MYT1L: variants seen among roughly 807,000 people sequenced by gnomAD.
MYT1L encodes the protein myelin transcription factor 1 like, also known as myelin transcription factor 1-like protein.
In MYT1L, 12 loss-of-function variants were observed where a neutral mutation model predicts 126.7. The ratio of observed to expected loss-of-function variants is 0.09; its 90% CI spans 0.06 to 0.15. The LOEUF is 0.15. Among genes scored for constraint, MYT1L ranks in the 10% least tolerant of loss-of-function variants. The probability of loss-of-function intolerance (pLI) is 1.00; values close to 1 mark genes in which losing one functional copy is unlikely to be tolerated. For missense variants in MYT1L, 979 were observed against 1,585.2 expected (o/e 0.62, Z 6.49); for synonymous variants, 541 against 604.2 (o/e 0.90, Z 1.53).
chr2:2,007,744 G>A (rs1468297634), intron 4 of MYT1L, among the ~76,000 whole-genome samples: 1 of 152,108 alleles, frequency 6.6e-6, no homozygotes, highest in Non-Finnish European at 1.5e-5. Context: ...TTTGATAAAT[G>A]GTAACAGTGA....
At chr2:1,969,315 T>A (rs893008582) in intron 8 of MYT1L, among the ~76,000 whole-genome samples, 12 of 152,148 alleles carry the variant, frequency 7.9e-5, no homozygotes, top group African/African-American at 2.9e-4. Context: ...GGTCTTCAGA[T>A]TTGTCTATGC....
intron 9 of MYT1L, among the ~76,000 whole-genome samples, chr2:1,936,727 C>G (rs767705094): frequency 4.6e-5 from 7 of 152,120 alleles, no homozygotes; most frequent in African/African-American, 7.2e-5. Context: ...CTGAGAAAGA[C>G]AGGAGAGGAT....
At chr2:2,081,851 T>C (rs2075867157) in intron 3 of MYT1L, among the ~76,000 whole-genome samples, 1 of 152,196 alleles carries the variant, frequency 6.6e-6, no homozygotes, top group Non-Finnish European at 1.5e-5. Flanking sequence ...GCGATTCTCC[T>C]GCCTCAGCCT....
chr2:2,047,002 C>G (rs1214883402), intron 4 of MYT1L, among the ~76,000 whole-genome samples: 1 of 152,102 alleles, frequency 6.6e-6, no homozygotes, highest in African/African-American at 2.4e-5. Flanking sequence ...CTTCCATATC[C>G]TTTGCCCATT....
intron 3 of MYT1L, among the ~76,000 whole-genome samples, chr2:2,121,049 T>A (rs1328278279): frequency 6.6e-6 from 1 of 152,148 alleles, no homozygotes; most frequent in Non-Finnish European, 1.5e-5. Flanking sequence ...TCGGCGGAAG[T>A]CAAGGAGGTG....
chr2:1,855,915 A>G (rs1028708271), intron 18 of MYT1L, among the ~76,000 whole-genome samples: 1 of 152,226 alleles, frequency 6.6e-6, no homozygotes, highest in Admixed American at 6.5e-5. Flanking sequence ...TTGGTTGTAC[A>G]TATTAAGAGA....
intron 4 of MYT1L, among the ~76,000 whole-genome samples, chr2:2,020,168 G>T (rs1156778592): frequency 6.6e-6 from 1 of 152,160 alleles, no homozygotes; most frequent in African/African-American, 2.4e-5. Context: ...GCTATAGCTT[G>T]ATTGTCAGGA....
intron 2 of MYT1L, 37 bp downstream of exon 2, chr2:2,284,367 C>T (rs1480940595): frequency 6.6e-6 from 1 of 152,098 alleles, no homozygotes; most frequent in Non-Finnish European, 1.5e-5. Context: ...CTTTACATTC[C>T]TAATACAACG....
chr2:1,949,225 G>A (rs11884823), intron 8 of MYT1L, among the ~76,000 whole-genome samples: 13,965 of 152,204 alleles, frequency 0.092, 1,141 homozygotes, highest in African/African-American at 0.22. Flanking sequence ...GCAGCAGCCA[G>A]CGACAGGAGT....
chr2:1,934,304 A>ATG (rs2055506878), intron 9 of MYT1L, among the ~76,000 whole-genome samples: 2 of 146,214 alleles, frequency 1.4e-5, no homozygotes, highest in Non-Finnish European at 3.0e-5. Context: ...ATATATATAT[A>ATG]TATACAACCT....
chr2:2,241,281 G>GTA (rs1236657690), intron 2 of MYT1L, among the ~76,000 whole-genome samples: 2 of 151,940 alleles, frequency 1.3e-5, no homozygotes, highest in Non-Finnish European at 2.9e-5. Context: ...TCTTTTGTGT[G>GTA]TGTGTGTGTG....
At chr2:2,095,964 G>A (rs961315789) in intron 3 of MYT1L, among the ~76,000 whole-genome samples, 4 of 152,164 alleles carry the variant, frequency 2.6e-5, no homozygotes, top group African/African-American at 9.6e-5. Context: ...CCTGGTGAAC[G>A]TGGACACGCG....
At chr2:1,859,389 A>AT (rs917624615) in intron 18 of MYT1L, among the ~76,000 whole-genome samples, 6 of 152,180 alleles carry the variant, frequency 3.9e-5, no homozygotes, top group African/African-American at 1.4e-4. Context: ...CCTTATCATA[A>AT]TTTTTTAAAA....
rs755962303 is a variant in MYT1L, at chr2:1,979,762, C to T, written c.16G>A (p.Glu6Lys). 12 of 1,613,842 alleles carry T rather than the reference C, an allele frequency of 7.4e-6. No individual in the cohort carries two copies. Among genetic ancestry groups the T allele is most frequent in the Non-Finnish European group, 1.0e-5 (12 of 1,179,898 alleles). MEVDT[E>K]EKRHRTRSKG... ...GACCGCGTGCGATGCCGCTTCTCCT[C>T]GGTGTCCACCTCCATCTGGGGATAG... is the stretch of plus-strand genomic sequence containing the variant. Residue 6 changes from glutamate (E) to lysine (K), a missense_variant, in exon 6 of 25, where the codon GAG becomes AAG. Physicochemically the swap from Glu to Lys is moderately conservative, Grantham distance 56. Around this residue, in one of 12 missense-constraint regions of MYT1L, gnomAD observed 50 missense variants for 48.6 expected, o/e 1.03. Coordinates refer to ENST00000647738, the MANE Select transcript of MYT1L (RefSeq NM_001303052.2). The surrounding 1 kb of genome is among the most constrained non-coding windows in gnomAD (Gnocchi z 4.0).
intron 1 of MYT1L, among the ~76,000 whole-genome samples, chr2:2,285,687 A>G (rs951772044): frequency 1.3e-5 from 2 of 152,176 alleles, no homozygotes; most frequent in African/African-American, 4.8e-5. Flanking sequence ...TCATGGTAAG[A>G]GCAGCACACA....
chr2:2,145,845 A>C (rs2084801201), intron 3 of MYT1L, among the ~76,000 whole-genome samples: 1 of 152,244 alleles, frequency 6.6e-6, no homozygotes, highest in Non-Finnish European at 1.5e-5. Flanking sequence ...AATTTAGAAA[A>C]GGTCAAACAG....
At chr2:2,212,521 A>G (rs1421797346) in intron 2 of MYT1L, among the ~76,000 whole-genome samples, 2 of 152,206 alleles carry the variant, frequency 1.3e-5, no homozygotes, top group Non-Finnish European at 2.9e-5. Flanking sequence ...ACACATACAA[A>G]CACATTTTGA....
intron 4 of MYT1L, among the ~76,000 whole-genome samples, chr2:2,040,633 T>C (rs969135512): frequency 6.6e-6 from 1 of 152,196 alleles, no homozygotes; most frequent in Non-Finnish European, 1.5e-5. Context: ...CCCTTATAAT[T>C]AGACACTTGG....
intron 2 of MYT1L, among the ~76,000 whole-genome samples, chr2:2,241,096 A>C (rs1406090300): frequency 6.6e-6 from 1 of 152,188 alleles, no homozygotes; most frequent in Non-Finnish European, 1.5e-5. Context: ...TGGATGCTGT[A>C]ATGGTACCAA....
Sources: gnomAD v4.1 joint callset for allele counts (sites outside exome capture counted in the v4.1 genomes callset) on GRCh38, gnomAD v4.1.1 for gene constraint, gnomAD v4.1.1 regional missense constraint, Gnocchi (gnomAD v3.1) non-coding constraint, MANE v1.5 for transcripts, NCBI Gene and HGNC (gene_info 2026-07-23, HGNC 2026-07-21) for gene names.